Variants in HIF1A observed in about 807,000 individuals in gnomAD.
HIF1A encodes the protein hypoxia-inducible factor 1-alpha.
HIF1A carries 24 observed loss-of-function variants against 92.7 expected under a neutral mutation model. That is an observed-to-expected ratio of 0.26 (90% CI 0.19 to 0.36). HIF1A has a LOEUF of 0.36. Ranked by LOEUF, HIF1A falls within the 10% of genes least tolerant of loss-of-function variation. The pLI, the probability that HIF1A is intolerant of heterozygous loss-of-function variation, is 1.00. For missense variants in HIF1A, 799 were observed against 998.5 expected, an observed-to-expected ratio of 0.80 and a Z score of 2.69; for synonymous variants, 319 against 338.7, an observed-to-expected ratio of 0.94 and a Z score of 0.64.
rs531442665 is a variant in HIF1A at position 61,738,159 on chromosome 14, A to G, written c.1322A>G (p.Glu441Gly). The G allele has an allele frequency of 1.4e-5, 23 of 1,614,136 alleles. No homozygotes were observed. In the South Asian group the frequency reaches 2.4e-4, roughly 17 times the overall value. ...GATGTAATGCTCCCCTCACCCAACG[A>G]AAAATTACAGAATATAAATTTGGCA... is the stretch of plus-strand genomic sequence containing the variant. Reference protein sequence around the residue: ...YNDVMLPSPNEKLQNINLAMS... With the variant: ...YNDVMLPSPNGKLQNINLAMS... Residue 441 changes from glutamate to glycine, a missense_variant, in exon 10 of 15, where the codon GAA becomes GGA. Glu to Gly is a moderately conservative substitution (Grantham distance 98, BLOSUM62 -2). This residue lies in a region of HIF1A where 516 missense variants were observed against 721.0 expected (regional missense o/e 0.72). Coordinates refer to ENST00000337138, the MANE Select transcript of HIF1A (RefSeq NM_001530.4).
At position 61,725,856 on chromosome 14, in the gene HIF1A, A is replaced by G. The variant is rs111720646; in HGVS notation, c.458-850A>G. Among the ~76,000 whole-genome samples the G allele has an allele frequency of 5.2e-3, 764 of 147,610 alleles. 6 individuals are homozygous for G. Among genetic ancestry groups the G allele is most frequent in the African/African-American group, 0.018 (717 of 39,932 alleles). Reference sequence around the variant, plus strand: ...TTTTTTTGAGATGGATTCTCGCTCTATATCCCAGGTTGGAGTGCAGTGGCA... The same window carrying G: ...TTTTTTTGAGATGGATTCTCGCTCTGTATCCCAGGTTGGAGTGCAGTGGCA... On this transcript the variant is annotated intron_variant, in intron 4 of 14. Transcript: ENST00000337138.
At chr14:61,713,460 G>C (rs781261658) in intron 1 of HIF1A, among the ~76,000 whole-genome samples, 11 of 152,256 alleles carry the variant, frequency 7.2e-5, no homozygotes, top group Non-Finnish European at 1.2e-4. Context: ...GTGAGGCCTA[G>C]GAATTTGAAA....
At chr14:61,713,408 A>G (rs1186336990) in intron 1 of HIF1A, among the ~76,000 whole-genome samples, 2 of 152,118 alleles carry the variant, frequency 1.3e-5, no homozygotes, top group African/African-American at 4.8e-5. Flanking sequence ...TGGGATCCTG[A>G]CTTAGATCTA....
rs771152491 is a variant in HIF1A, at chr14:61,724,380, T to TCTCTCTCTCTCTCC, written c.458-2325_458-2324insTCTCTCTCTCTCCC. Among the ~76,000 whole-genome samples the TCTCTCTCTCTCTCC allele has an allele frequency of 5.0e-3, 696 of 139,486 alleles. 9 individuals carry two copies. Among genetic ancestry groups the TCTCTCTCTCTCTCC allele is most frequent in the Non-Finnish European group, 8.1e-3 (525 of 64,518 alleles). 91.5% of individuals were successfully genotyped at this position (139,486 alleles called of 152,430 possible). A position where few individuals can be genotyped will look rare whatever the true frequency, so the allele number is the denominator to read the frequency against. ...CTCTCTCTCTCTCTCTCTCTCTCTC[T>TCTCTCTCTCTCTCC]CCCCCTCCCTCCCGCACTCCTTCCC... On this transcript the variant is annotated intron_variant, in intron 4 of 14. Transcript: ENST00000337138.
intron 1 of HIF1A, among the ~76,000 whole-genome samples, chr14:61,703,620 A>AT (rs760575757): frequency 2.0e-5 from 3 of 151,444 alleles, no homozygotes; most frequent in Admixed American, 6.6e-5. Flanking sequence ...AGTTTGTAAT[A>AT]TAAAAAAAAA....
chr14:61,731,250 T>A (rs1343049581), intron 6 of HIF1A, among the ~76,000 whole-genome samples: 1 of 152,130 alleles, frequency 6.6e-6, no homozygotes, highest in Non-Finnish European at 1.5e-5. Context: ...AGGCTGAGAA[T>A]CTAAAAGCTT....
At chr14:61,737,577 C>G (rs8012370) in intron 9 of HIF1A, among the ~76,000 whole-genome samples, 143,978 of 152,298 alleles carry the variant, frequency 0.95, 68,496 homozygotes, top group Non-Finnish European at 1. Context: ...GAGATTAAGA[C>G]GCGGTATCAA....
intron 13 of HIF1A, 175 bp from the exon 14 acceptor site, chr14:61,745,516 T>C (rs1017952073): frequency 4.7e-6 from 3 of 638,984 alleles, no homozygotes; most frequent in Non-Finnish European, 8.4e-6. Flanking sequence ...AAAGTATTTA[T>C]AGACAGAATG....
At chr14:61,718,820 A>G (rs1284366041) in intron 1 of HIF1A, among the ~76,000 whole-genome samples, 1 of 152,200 alleles carries the variant, frequency 6.6e-6, no homozygotes, top group Admixed American at 6.5e-5. Context: ...CCAGATGAAG[A>G]TAATAGTTTT....
At chr14:61,734,572 A>T (rs950263633) in intron 8 of HIF1A, among the ~76,000 whole-genome samples, 1 of 152,190 alleles carries the variant, frequency 6.6e-6, no homozygotes, top group Admixed American at 6.5e-5. Flanking sequence ...TGGTCTAATT[A>T]TACAGATATC....
At chr14:61,724,584 A>G (rs1430135674) in intron 4 of HIF1A, among the ~76,000 whole-genome samples, 4 of 152,122 alleles carry the variant, frequency 2.6e-5, no homozygotes. Flanking sequence ...TTGTTCCTCA[A>G]GAGTCCAGCA....
intron 1 of HIF1A, among the ~76,000 whole-genome samples, chr14:61,718,642 T>TG (rs2044389808): frequency 1.3e-5 from 2 of 152,204 alleles, no homozygotes; most frequent in Non-Finnish European, 2.9e-5. Flanking sequence ...AATGAAAAAA[T>TG]TACAGACTGC....
intron 12 of HIF1A, among the ~76,000 whole-genome samples, chr14:61,743,298 C>T (rs1275937227): frequency 6.6e-6 from 1 of 152,048 alleles, no homozygotes; most frequent in African/African-American, 2.4e-5. Flanking sequence ...CTCAAACTCC[C>T]GACCTCAGGT....
intron 1 of HIF1A, among the ~76,000 whole-genome samples, chr14:61,709,718 A>T (rs2044285002): frequency 6.6e-6 from 1 of 152,282 alleles, no homozygotes; most frequent in South Asian, 2.1e-4. Flanking sequence ...TGTTTTTTTG[A>T]ATTTCAAATT....
At chr14:61,725,666 C>T (rs976073381) in intron 4 of HIF1A, among the ~76,000 whole-genome samples, 4 of 152,236 alleles carry the variant, frequency 2.6e-5, no homozygotes, top group Non-Finnish European at 5.9e-5. Flanking sequence ...CTTCCTGCCT[C>T]AGCCTCCCAA....
At chr14:61,699,206 C>T (rs1006880177) in intron 1 of HIF1A, among the ~76,000 whole-genome samples, 2 of 152,168 alleles carry the variant, frequency 1.3e-5, no homozygotes, top group Non-Finnish European at 2.9e-5. Flanking sequence ...TGTGTATTTA[C>T]TGAACTATCG....
At position 61,738,141 on chromosome 14, in the gene HIF1A, T is replaced by C. The variant is rs918607520; in HGVS notation, c.1304T>C (p.Met435Thr). The C allele has an allele frequency of 6.2e-7, 1 of 1,613,596 alleles. No homozygotes were observed. The highest frequency in any genetic ancestry group is 1.3e-5 in the African/African-American group (1 of 74,868). ...GAAGTACCATTATATAATGATGTAA[T>C]GCTCCCCTCACCCAACGAAAAATTA... ...LEEVPLYNDVMLPSPNEKLQN... is the reference protein window; with the variant it reads ...LEEVPLYNDVTLPSPNEKLQN... Residue 435 changes from methionine (M) to threonine (T), a missense_variant, in exon 10 of 15, where the codon ATG becomes ACG. Met to Thr is a moderately conservative substitution (Grantham distance 81). Transcript: ENST00000337138.
intron 9 of HIF1A, 73 bp from the exon 10 acceptor site, chr14:61,738,014 A>G (rs2044659418): frequency 1.6e-6 from 2 of 1,281,864 alleles, no homozygotes; most frequent in East Asian, 2.4e-5. Flanking sequence ...GCAACAGAGC[A>G]AGACTCTGTC....
At position 61,743,676 on chromosome 14, in the gene HIF1A, T is replaced by C. The variant is rs1198779412; in HGVS notation, c.2094-1029T>C. Among the ~76,000 whole-genome samples, 4 of 152,360 alleles carry C rather than the reference T, an allele frequency of 2.6e-5. No individual in the cohort carries two copies. The East Asian group carries it at 7.7e-4, about 29-fold the overall frequency. Reference sequence around the variant, plus strand: ...TGTCTGGAACAGCAAGGAGCCATTATGATTATGCATTTGGTTTGTGGGGTG... The same window carrying C: ...TGTCTGGAACAGCAAGGAGCCATTACGATTATGCATTTGGTTTGTGGGGTG... On this transcript the variant is annotated intron_variant, in intron 12 of 14. Coordinates refer to ENST00000337138, the MANE Select transcript of HIF1A (RefSeq NM_001530.4).
Sources: allele counts gnomAD v4.1 joint callset (sites outside exome capture counted in the v4.1 genomes callset), GRCh38; gene constraint gnomAD v4.1.1; regional missense constraint gnomAD v4.1.1; transcripts MANE v1.5; gene names NCBI Gene and HGNC (gene_info 2026-07-23, HGNC 2026-07-21).